The following DLC1 variants were observed in gnomAD, a reference collection of about 807,000 sequenced individuals.
DLC1 encodes the protein rho GTPase-activating protein 7.
Under a neutral mutation model 140.3 loss-of-function variants are expected in DLC1, and 54 were observed. The observed-to-expected ratio is 0.38, with a 90% CI of 0.31 to 0.48. The LOEUF is 0.48. Ranked by LOEUF, DLC1 falls within the 20% of genes least tolerant of loss-of-function variation. The pLI is 0.96. For synonymous variants in DLC1, 986 were observed against 728.1 expected, an observed-to-expected ratio of 1.35 and a Z score of -5.70; for missense variants, 2,536 against 1,907.0, an observed-to-expected ratio of 1.33 and a Z score of -6.14.
intron 2 of DLC1, among the ~76,000 whole-genome samples, chr8:13,463,702 T>C (rs1201270010): frequency 6.6e-6 from 1 of 152,186 alleles, no homozygotes; most frequent in Non-Finnish European, 1.5e-5. Context: ...ATAGTTATTA[T>C]TTTTGGCTTA....
At chr8:13,268,361 T>C (rs540591445) in intron 5 of DLC1, among the ~76,000 whole-genome samples, 5 of 152,048 alleles carry the variant, frequency 3.3e-5, no homozygotes, top group East Asian at 1.9e-4. Flanking sequence ...GTTGTCCAGG[T>C]TGGAGTGCAG....
intron 4 of DLC1, among the ~76,000 whole-genome samples, chr8:13,334,255 G>C (rs111936534): frequency 6.4e-4 from 97 of 152,136 alleles, no homozygotes; most frequent in African/African-American, 2.1e-3. Context: ...ACCTTGGGAG[G>C]GAAAGGAGCT....
intron 4 of DLC1, among the ~76,000 whole-genome samples, chr8:13,372,041 G>T (rs1043348208): frequency 6.6e-6 from 1 of 152,122 alleles, no homozygotes; most frequent in African/African-American, 2.4e-5. Flanking sequence ...CATTAAAATA[G>T]ATCGGGGCAT....
chr8:13,389,242 C>G (rs1410097110), intron 4 of DLC1, among the ~76,000 whole-genome samples: 5 of 152,026 alleles, frequency 3.3e-5, no homozygotes, highest in Admixed American at 6.6e-5. Flanking sequence ...GGAAAAACAA[C>G]CACAACAAAA....
chr8:13,275,809 T>G (rs1006523913), intron 5 of DLC1, among the ~76,000 whole-genome samples: 41 of 152,130 alleles, frequency 2.7e-4, no homozygotes, highest in Non-Finnish European at 2.9e-5. Flanking sequence ...ATCACTCCAC[T>G]GACACACAGA....
At chr8:13,117,505 T>C (rs576474828) in intron 5 of DLC1, among the ~76,000 whole-genome samples, 2 of 152,280 alleles carry the variant, frequency 1.3e-5, no homozygotes, top group East Asian at 3.9e-4. Context: ...GAACTTACTT[T>C]TGCCCTATCT....
At chr8:13,268,799 C>T (rs1384996464) in intron 5 of DLC1, among the ~76,000 whole-genome samples, 2 of 151,136 alleles carry the variant, frequency 1.3e-5, no homozygotes, top group Non-Finnish European at 2.9e-5. Flanking sequence ...CTATAAGTAT[C>T]TTCAGGTAAA....
At chr8:13,407,519 A>G (rs943138356) in intron 2 of DLC1, among the ~76,000 whole-genome samples, 17 of 151,810 alleles carry the variant, frequency 1.1e-4, no homozygotes, top group African/African-American at 4.1e-4. Flanking sequence ...CTAGAGAGAC[A>G]CAGGCTCTGT....
intron 1 of DLC1, among the ~76,000 whole-genome samples, chr8:13,522,338 C>T (rs1270991975): frequency 6.6e-6 from 1 of 151,974 alleles, no homozygotes; most frequent in Admixed American, 6.6e-5. Context: ...CAAGAATAAA[C>T]ATAAGTCTGG....
chr8:13,388,366 A>G (rs1385914691), intron 4 of DLC1, among the ~76,000 whole-genome samples: 1 of 152,036 alleles, frequency 6.6e-6, no homozygotes, highest in Non-Finnish European at 1.5e-5. Context: ...TTTTGAAACT[A>G]TTTCTCAGAT....
chr8:13,582,395 G>A (rs990372324), intron 1 of DLC1, among the ~76,000 whole-genome samples: 4 of 152,190 alleles, frequency 2.6e-5, no homozygotes, highest in African/African-American at 9.7e-5. Context: ...TGCCAAAGGA[G>A]ATTAACATTT....
chr8:13,343,686 C>T (rs1363181789), intron 4 of DLC1, among the ~76,000 whole-genome samples: 2 of 152,114 alleles, frequency 1.3e-5, no homozygotes, highest in African/African-American at 4.8e-5. Flanking sequence ...GGATTTAAGT[C>T]ATATTTTATT....
At chr8:13,146,039 GAGGC>G (rs1414820889) in intron 5 of DLC1, among the ~76,000 whole-genome samples, 10 of 152,240 alleles carry the variant, frequency 6.6e-5, no homozygotes, top group African/African-American at 2.4e-4. Flanking sequence ...AGCACTTTGG[GAGGC>G]TGAGGCGGGT....
At chr8:13,165,317 G>A (rs754580380) in intron 5 of DLC1, among the ~76,000 whole-genome samples, 1 of 152,130 alleles carries the variant, frequency 6.6e-6, no homozygotes, top group African/African-American at 2.4e-5. Flanking sequence ...TGAAAGAAAG[G>A]TAAGTGGCCT....
At chr8:13,159,328 C>T (rs1824510633) in intron 5 of DLC1, among the ~76,000 whole-genome samples, 1 of 152,154 alleles carries the variant, frequency 6.6e-6, no homozygotes, top group Admixed American at 6.5e-5. Flanking sequence ...TAAAATTGCC[C>T]TTGTTAGGCA....
intron 4 of DLC1, among the ~76,000 whole-genome samples, chr8:13,362,726 C>A (rs993506967): frequency 6.6e-6 from 1 of 152,208 alleles, no homozygotes; most frequent in Non-Finnish European, 1.5e-5. Context: ...TAATCTCTGT[C>A]TCTGGTGTCT....
chr8:13,109,079 C>G (rs1382451047), intron 7 of DLC1, among the ~76,000 whole-genome samples: 1 of 152,134 alleles, frequency 6.6e-6, no homozygotes, highest in East Asian at 1.9e-4. Context: ...GAGAACTAGT[C>G]TAGTCCATAC....
At chr8:13,520,196 CA>C (rs1412775078) in intron 1 of DLC1, among the ~76,000 whole-genome samples, 2 of 152,182 alleles carry the variant, frequency 1.3e-5, no homozygotes, top group African/African-American at 4.8e-5. Flanking sequence ...TGGCAATATT[CA>C]CAATAGAAAA....
At chr8:13,132,240 T>TGTGG in intron 5 of DLC1, among the ~76,000 whole-genome samples, 1 of 147,746 alleles carries the variant, frequency 6.8e-6, no homozygotes, top group African/African-American at 2.5e-5. Flanking sequence ...TGTGTGTGTG[T>TGTGG]GTTTCCTAGC....
Sources: allele counts gnomAD v4.1 joint callset (sites outside exome capture counted in the v4.1 genomes callset), GRCh38; gene constraint gnomAD v4.1.1; transcripts MANE v1.5; gene names NCBI Gene and HGNC (gene_info 2026-07-23, HGNC 2026-07-21).